The following ADAM19 variants were observed in gnomAD, a reference collection of about 807,000 sequenced individuals.
ADAM19 encodes ADAM metallopeptidase domain 19, also known as disintegrin and metalloproteinase domain-containing protein 19.
A neutral mutation model predicts 114.7 loss-of-function variants in ADAM19; 65 were observed. The ratio of observed to expected loss-of-function variants is 0.57; its 90% CI spans 0.46 to 0.70. The LOEUF is 0.70. Ranked by LOEUF, ADAM19 falls within the 30% of genes least tolerant of loss-of-function variation. The pLI is 0.00. For synonymous variants in ADAM19, 466 were observed against 460.5 expected, an observed-to-expected ratio of 1.01 and a Z score of -0.15; for missense variants, 1,063 against 1,204.7, an observed-to-expected ratio of 0.88 and a Z score of 1.74.
At chr5:157,522,465 C>T (rs1756327273) in intron 5 of ADAM19, among the ~76,000 whole-genome samples, 1 of 152,128 alleles carries the variant, frequency 6.6e-6, no homozygotes, top group Non-Finnish European at 1.5e-5. Flanking sequence ...ACAACCTTAC[C>T]CTGACCTTCC....
chr5:157,496,073 A>C (rs1002403840), intron 14 of ADAM19, among the ~76,000 whole-genome samples: 2 of 150,368 alleles, frequency 1.3e-5, no homozygotes, highest in Non-Finnish European at 2.9e-5. Context: ...CTGAGTAGCT[A>C]GGATTACAGG....
In ADAM19 at chr5:157,479,864, C is replaced by G; in HGVS notation, c.*1085G>C. 1.0e-6 allele frequency: 1 copy of G among 985,638 alleles called. No homozygotes were observed. Among genetic ancestry groups the G allele is most frequent in the Non-Finnish European group, 1.2e-6 (1 of 830,010 alleles). The allele number at this position is 985,638 out of a possible 1,614,324, so 61.1% of individuals were successfully genotyped here. A position where few individuals can be genotyped will look rare whatever the true frequency, so the allele number is the denominator to read the frequency against. On this transcript the variant is annotated 3_prime_UTR_variant, in exon 23 of 23. Transcript: ENST00000257527. ...TGTGTACTTTGTAAATAGCTGGGCT[C>G]CCTAAGGGGAAACCTCACCTAGATT...
rs1047377869 is a variant in ADAM19 at position 157,477,442 on chromosome 5, G to A, written c.*3507C>T. The A allele has an allele frequency of 9.7e-7, 1 of 1,033,270 alleles. No homozygotes were observed. The highest frequency in any genetic ancestry group is 1.7e-5 in the African/African-American group (1 of 59,584). 64.0% of individuals were successfully genotyped at this position (1,033,270 alleles called of 1,614,324 possible). The stretch of plus-strand genomic sequence containing the variant: ...AGGTGGACAAGAGAGAAGAAGATCT[G>A]TTTTCCGTGAACAATCTCCCAAATA... On this transcript the variant is annotated 3_prime_UTR_variant, in exon 23 of 23. Coordinates refer to ENST00000257527, the MANE Select transcript of ADAM19 (RefSeq NM_033274.5).
At chr5:157,493,692 G>T (rs1222636260) in intron 15 of ADAM19, among the ~76,000 whole-genome samples, 2 of 152,146 alleles carry the variant, frequency 1.3e-5, no homozygotes, top group South Asian at 4.1e-4. Flanking sequence ...CCTCATAGGA[G>T]TCTAATTTTC....
At position 157,569,234 on chromosome 5, in the gene ADAM19, ATT is replaced by A. The variant is rs11296934; in HGVS notation, c.180+1659_180+1660del. The A allele has an allele frequency of 3.2e-3, 349 of 109,198 alleles. 1 individual carries two copies. The highest frequency in any genetic ancestry group is 5.4e-3 in the Admixed American group (54 of 9,990). The allele number at this position is 109,198 out of a possible 1,614,324, so 6.8% of individuals were successfully genotyped here. ...ATGTTACTTGCTTTTATTTGTCCTG[ATT>A]TTTTTTTTTTTTTTTTTTTTGAGAC... On this transcript the variant is annotated intron_variant, in intron 2 of 22. Coordinates refer to ENST00000257527, the MANE Select transcript of ADAM19 (RefSeq NM_033274.5).
At position 157,479,190 on chromosome 5, in the gene ADAM19, T is replaced by C. The variant is rs1754677325; in HGVS notation, c.*1759A>G. On this transcript the variant is annotated 3_prime_UTR_variant, in exon 23 of 23. Coordinates refer to ENST00000257527, the MANE Select transcript of ADAM19 (RefSeq NM_033274.5). Reference sequence around the variant, plus strand: ...ACAGCCACCCTGAGGGAAGAGAAACTCATTTTCCTGAGATCTTTCTAAACC... The same window carrying C: ...ACAGCCACCCTGAGGGAAGAGAAACCCATTTTCCTGAGATCTTTCTAAACC... The C allele has an allele frequency of 2.0e-6, 2 of 985,652 alleles. No individual in the cohort carries two copies. Among genetic ancestry groups the C allele is most frequent in the African/African-American group, 3.5e-5 (2 of 57,186 alleles). 61.1% of individuals were successfully genotyped at this position (985,652 alleles called of 1,614,324 possible).
chr5:157,547,465 T>A (rs1757079929), intron 3 of ADAM19, among the ~76,000 whole-genome samples: 1 of 152,198 alleles, frequency 6.6e-6, no homozygotes, highest in East Asian at 1.9e-4. Flanking sequence ...GGCTGCAAGT[T>A]TGCTCTCTTG....
intron 4 of ADAM19, among the ~76,000 whole-genome samples, chr5:157,532,203 C>T (rs909752729): frequency 2.0e-5 from 3 of 152,200 alleles, no homozygotes; most frequent in Admixed American, 6.5e-5. Context: ...CTGTGACCAC[C>T]GCTCTGTGCC....
At chr5:157,569,028 G>GT (rs1757747940) in intron 2 of ADAM19, 1 of 152,152 alleles carries the variant, frequency 6.6e-6, no homozygotes, top group Non-Finnish European at 1.5e-5. Flanking sequence ...TCTATAAAAA[G>GT]TAGCAGGTCC....
chr5:157,481,449 A>G (rs1395517742), intron 22 of ADAM19: 5 of 769,612 alleles, frequency 6.5e-6, no homozygotes, highest in Non-Finnish European at 1.0e-5. Flanking sequence ...CTTGCTCTTC[A>G]CAACAACCTG....
chr5:157,484,837 G>A (rs994595879), intron 21 of ADAM19, among the ~76,000 whole-genome samples: 11 of 152,194 alleles, frequency 7.2e-5, no homozygotes, highest in Admixed American at 5.2e-4. Context: ...GGGAAAGGCT[G>A]TGCTCCCAAG....
intron 7 of ADAM19, among the ~76,000 whole-genome samples, chr5:157,516,935 AACACACAC>A (rs10570308): frequency 6.0e-5 from 9 of 150,252 alleles, no homozygotes; most frequent in Non-Finnish European, 1.2e-4. Flanking sequence ...GAAAACATAG[AACACACAC>A]ACACACACAC....
At position 157,537,922 on chromosome 5, in the gene ADAM19, C is replaced by T. The variant is rs1218104819; in HGVS notation, c.321G>A (p.Arg107=). 1.2e-6 allele frequency: 2 copies of T among 1,613,916 alleles called. No individual in the cohort carries two copies. Among genetic ancestry groups the T allele is most frequent in the Admixed American group, 1.7e-5 (1 of 60,016 alleles). ...GTTGACCTGAACTCACCTCCAATTT[C>T]CGTGTGGTGGTTTGAGGGTTACCAC... ...TSSGNPQTTT[R]KLEDHCFYHG... Residue 107 remains arginine, a synonymous_variant, in exon 4 of 23, where the codon CGG becomes CGA. Coordinates refer to ENST00000257527, the MANE Select transcript of ADAM19 (RefSeq NM_033274.5).
chr5:157,572,391 C>T (rs762870598), intron 1 of ADAM19: 8 of 400,788 alleles, frequency 2.0e-5, no homozygotes, highest in Non-Finnish European at 3.6e-5. Flanking sequence ...GGTAATTTCC[C>T]GACACCTAAA....
At chr5:157,496,248 A>G (rs1755360688) in intron 14 of ADAM19, among the ~76,000 whole-genome samples, 1 of 152,248 alleles carries the variant, frequency 6.6e-6, no homozygotes, top group Non-Finnish European at 1.5e-5. Flanking sequence ...CTCCTTATTT[A>G]GCCATAAAGC....
chr5:157,573,976 T>C (rs1475445157), intron 1 of ADAM19, among the ~76,000 whole-genome samples: 2 of 152,244 alleles, frequency 1.3e-5, no homozygotes, highest in Admixed American at 6.5e-5. Flanking sequence ...TGGCCACATT[T>C]GTATGAGTCG....
rs749559925 is a variant in ADAM19 at position 157,491,869 on chromosome 5, G to T, written c.1952C>A (p.Thr651Asn). Residue 651 changes from threonine (T) to asparagine (N), a missense_variant, in exon 17 of 23, where the codon ACT becomes AAT. By Grantham distance (65) the Thr-to-Asn change is moderately conservative. This residue lies in a region of ADAM19 where 424 missense variants were observed against 445.5 expected (regional missense o/e 0.95). Transcript: ENST00000257527. ...GQCRNTSFFETEGCGKKCNGH... is the reference protein window; with the variant it reads ...GQCRNTSFFENEGCGKKCNGH... ...ATTGCACTTCTTCCCACAGCCTTCAGTTTCAAAGAAGGAGGTGTTCCTGCA... is the reference window on the plus strand; with the variant it reads ...ATTGCACTTCTTCCCACAGCCTTCATTTTCAAAGAAGGAGGTGTTCCTGCA... 2 of 1,614,236 alleles carry T rather than the reference G, an allele frequency of 1.2e-6. No individual in the cohort carries two copies. Among genetic ancestry groups the T allele is most frequent in the South Asian group, 2.2e-5 (2 of 91,086 alleles).
In ADAM19 at chr5:157,479,552, G is replaced by A. The variant is rs946252969; in HGVS notation, c.*1397C>T. 10 of 985,512 alleles carry A rather than the reference G, an allele frequency of 1.0e-5. No individual in the cohort carries two copies. Among genetic ancestry groups the A allele is most frequent in the South Asian group, 9.4e-5 (2 of 21,274 alleles). 61.0% of individuals were successfully genotyped at this position (985,512 alleles called of 1,614,324 possible). A position where few individuals can be genotyped will look rare whatever the true frequency, so the allele number is the denominator to read the frequency against. ...CGTCCTATCTAGCAAAGCACCACAC[G>A]GCCCTCCTTCCCTGCTGCAGGGAAG... On this transcript the variant is annotated 3_prime_UTR_variant, in exon 23 of 23. Transcript: ENST00000257527.
chr5:157,489,283 C>G (rs1327824699), intron 19 of ADAM19, 97 bp from the exon 20 acceptor site: 1 of 845,866 alleles, frequency 1.2e-6, no homozygotes, highest in Non-Finnish European at 2.0e-6. Flanking sequence ...CAGCAAGCAG[C>G]TAAATCTTTC....
Sources: gnomAD v4.1 joint callset for allele counts (sites outside exome capture counted in the v4.1 genomes callset) on GRCh38, gnomAD v4.1.1 for gene constraint, gnomAD v4.1.1 regional missense constraint, MANE v1.5 for transcripts, NCBI Gene and HGNC (gene_info 2026-07-23, HGNC 2026-07-21) for gene names.